Variants in C12orf54 observed in about 807,000 individuals in gnomAD.
C12orf54 encodes the protein uncharacterized protein C12orf54.
A neutral mutation model predicts 26.4 loss-of-function variants in C12orf54; 24 were observed. The observed-to-expected ratio is 0.91, with a 90% CI of 0.66 to 1.28. The LOEUF (loss-of-function observed/expected upper bound fraction) is 1.28, where lower values mean the gene tolerates loss of function less well. C12orf54 is among the 50% of genes most tolerant of loss of function. C12orf54 has a pLI of 0.00. For missense variants in C12orf54, 154 were observed against 150.9 expected, an observed-to-expected ratio of 1.02 and a Z score of -0.11; for synonymous variants, 54 against 47.0, an observed-to-expected ratio of 1.15 and a Z score of -0.61.
the C12orf54 span, among the ~76,000 whole-genome samples, chr12:48,459,909 G>A: frequency 6.6e-6 from 1 of 152,094 alleles, no homozygotes; most frequent in East Asian, 1.9e-4. Flanking sequence ...TTAACTGGAG[G>A]TCAGTCCCAT....
the C12orf54 span, among the ~76,000 whole-genome samples, chr12:48,454,321 C>T: frequency 6.6e-5 from 10 of 152,074 alleles, no homozygotes; most frequent in Admixed American, 3.9e-4. Context: ...GGATAGTCTC[C>T]ATCTCCTGAC....
chr12:48,431,107 A>G, the C12orf54 span, among the ~76,000 whole-genome samples: 2 of 152,156 alleles, frequency 1.3e-5, no homozygotes, highest in Non-Finnish European at 2.9e-5. Flanking sequence ...TGAGGATGCA[A>G]AGGCATAAGA....
chr12:48,445,752 T>C, the C12orf54 span, among the ~76,000 whole-genome samples: 1 of 152,172 alleles, frequency 6.6e-6, no homozygotes, highest in East Asian at 1.9e-4. Flanking sequence ...CTAACTTGAG[T>C]ATAGTGCTGA....
chr12:48,450,029 C>T, the C12orf54 span, among the ~76,000 whole-genome samples: 1 of 152,160 alleles, frequency 6.6e-6, no homozygotes, highest in African/African-American at 2.4e-5. Flanking sequence ...TGAGGCCTCC[C>T]CATCTATGTG....
chr12:48,470,846 A>T, the C12orf54 span, among the ~76,000 whole-genome samples: 1 of 151,998 alleles, frequency 6.6e-6, no homozygotes, highest in Non-Finnish European at 1.5e-5. Flanking sequence ...GTGGGTGCAT[A>T]TTAGATATAT....
upstream of C12orf54, among the ~76,000 whole-genome samples, chr12:48,481,380 A>G (rs1954196729): frequency 6.6e-6 from 1 of 152,068 alleles, no homozygotes; most frequent in African/African-American, 2.4e-5. Context: ...ATAAAAAGGT[A>G]GATTATGATG....
chr12:48,486,582 C>T (rs1954269322), intron 3 of C12orf54, 106 bp from the exon 4 acceptor site: 3 of 1,231,310 alleles, frequency 2.4e-6, no homozygotes, highest in Non-Finnish European at 3.5e-6. Context: ...GGGTGTCCAG[C>T]TCAATTCCAA....
At chr12:48,462,452 A>C in the C12orf54 span, among the ~76,000 whole-genome samples, 1 of 151,720 alleles carries the variant, frequency 6.6e-6, no homozygotes, top group Non-Finnish European at 1.5e-5. Context: ...AAAACCAGAG[A>C]GCAATATCAT....
At chr12:48,476,320 G>A in the C12orf54 span, among the ~76,000 whole-genome samples, 1 of 152,198 alleles carries the variant, frequency 6.6e-6, no homozygotes, top group African/African-American at 2.4e-5. Context: ...ATCCAGGCTA[G>A]GAAGAAACTG....
the C12orf54 span, among the ~76,000 whole-genome samples, chr12:48,457,854 C>T: frequency 0.13 from 19,547 of 152,176 alleles, 1,657 homozygotes; most frequent in Non-Finnish European, 0.2. Flanking sequence ...ACCCAGAGGA[C>T]GGGATGACTG....
chr12:48,475,542 A>C, the C12orf54 span, among the ~76,000 whole-genome samples: 2 of 152,240 alleles, frequency 1.3e-5, no homozygotes, highest in Non-Finnish European at 1.5e-5. Context: ...AATGCAGAGA[A>C]GTCATTAAAG....
the C12orf54 span, among the ~76,000 whole-genome samples, chr12:48,475,328 A>T: frequency 6.6e-6 from 1 of 152,236 alleles, no homozygotes; most frequent in Non-Finnish European, 1.5e-5. Context: ...AACTCTAAAA[A>T]TCAGAGCACC....
chr12:48,474,694 G>A, the C12orf54 span, among the ~76,000 whole-genome samples: 1 of 152,268 alleles, frequency 6.6e-6, no homozygotes, highest in Non-Finnish European at 1.5e-5. Context: ...GGCTGCGGGA[G>A]GGGCGCCCGC....
chr12:48,475,747 G>GA, the C12orf54 span, among the ~76,000 whole-genome samples: 19 of 152,314 alleles, frequency 1.2e-4, no homozygotes, highest in African/African-American at 4.6e-4. Context: ...GGGACTATGT[G>GA]AAAAGACGAA....
the C12orf54 span, among the ~76,000 whole-genome samples, chr12:48,428,080 A>C: frequency 6.6e-6 from 1 of 152,164 alleles, no homozygotes; most frequent in Non-Finnish European, 1.5e-5. Flanking sequence ...TCATTGGGTC[A>C]AAAATGAAAT....
At chr12:48,443,403 T>C in the C12orf54 span, among the ~76,000 whole-genome samples, 1 of 152,124 alleles carries the variant, frequency 6.6e-6, no homozygotes, top group Admixed American at 6.5e-5. Flanking sequence ...GCGAGCAGAT[T>C]TGGTGTTGGG....
At chr12:48,476,754 T>G in the C12orf54 span, among the ~76,000 whole-genome samples, 1 of 152,040 alleles carries the variant, frequency 6.6e-6, no homozygotes, top group Admixed American at 6.6e-5. Flanking sequence ...AGCAAGTCCT[T>G]AGAGACCTAC....
At chr12:48,482,960 A>C (rs1954214534) in intron 1 of C12orf54, among the ~76,000 whole-genome samples, 1 of 149,244 alleles carries the variant, frequency 6.7e-6, no homozygotes, top group African/African-American at 2.5e-5. Flanking sequence ...CTACTTCCTC[A>C]CTGCAATTTC....
the C12orf54 span, among the ~76,000 whole-genome samples, chr12:48,426,878 C>T: frequency 6.6e-6 from 1 of 152,006 alleles, no homozygotes; most frequent in East Asian, 1.9e-4. Flanking sequence ...TGGCTCTCAG[C>T]TTAGCTGTTG....
Sources: gnomAD v4.1 joint callset for allele counts (sites outside exome capture counted in the v4.1 genomes callset) on GRCh38, gnomAD v4.1.1 for gene constraint, MANE v1.5 for transcripts, NCBI Gene and HGNC (gene_info 2026-07-23, HGNC 2026-07-21) for gene names.